ARHGAP20: variants seen among roughly 807,000 people sequenced by gnomAD.
ARHGAP20 encodes the protein Rho GTPase activating protein 20, also known as rho GTPase-activating protein 20.
In ARHGAP20, 34 loss-of-function variants were observed where a neutral mutation model predicts 73.7. The ratio of observed to expected loss-of-function variants is 0.46; its 90% CI spans 0.35 to 0.61. The LOEUF (loss-of-function observed/expected upper bound fraction) is 0.61. Among genes scored for constraint, ARHGAP20 ranks in the 20% least tolerant of loss-of-function variants. ARHGAP20 has a pLI of 0.00. For synonymous variants in ARHGAP20, 523 were observed against 518.2 expected (o/e 1.01, Z -0.13); for missense variants, 1,314 against 1,420.9 (o/e 0.92, Z 1.21).
At chr11:110,663,469 T>G (rs1048503113) in intron 2 of ARHGAP20, among the ~76,000 whole-genome samples, 2 of 151,668 alleles carry the variant, frequency 1.3e-5, no homozygotes, top group African/African-American at 4.8e-5. Flanking sequence ...TATGAAAAAC[T>G]ATATGGCTAT....
intron 4 of ARHGAP20, among the ~76,000 whole-genome samples, chr11:110,617,518 C>T (rs1272210875): frequency 6.6e-6 from 1 of 152,200 alleles, no homozygotes. Context: ...CCGCCTCCGC[C>T]TCCCAAAGTG....
intron 2 of ARHGAP20, among the ~76,000 whole-genome samples, chr11:110,637,689 G>C (rs778536710): frequency 1.3e-5 from 2 of 152,048 alleles, no homozygotes; most frequent in Non-Finnish European, 2.9e-5. Flanking sequence ...AGGCAAGTCA[G>C]ACAAGTAACA....
chr11:110,618,581 T>C (rs987032444), intron 4 of ARHGAP20, among the ~76,000 whole-genome samples: 3 of 151,926 alleles, frequency 2.0e-5, no homozygotes, highest in Non-Finnish European at 2.9e-5. Flanking sequence ...AGTGTATATG[T>C]AGTGATAGAG....
intron 1 of ARHGAP20, chr11:110,711,686 G>A (rs1314282102): frequency 4.1e-6 from 6 of 1,454,320 alleles, no homozygotes; most frequent in Non-Finnish European, 9.0e-7. Flanking sequence ...CCGCTCCCGG[G>A]CAGACATCGC....
intron 9 of ARHGAP20, among the ~76,000 whole-genome samples, chr11:110,594,824 G>C (rs1370297222): frequency 7.5e-6 from 1 of 133,292 alleles, no homozygotes; most frequent in African/African-American, 3.5e-5. Flanking sequence ...AAGCCTGGCA[G>C]AGACACAACA....
At chr11:110,661,306 GA>G (rs763046182) in intron 2 of ARHGAP20, among the ~76,000 whole-genome samples, 71 of 152,082 alleles carry the variant, frequency 4.7e-4, no homozygotes, top group African/African-American at 1.6e-3. Flanking sequence ...ACATAGAGGG[GA>G]AAAAACACAG....
intron 4 of ARHGAP20, among the ~76,000 whole-genome samples, chr11:110,623,610 T>A (rs1296926579): frequency 6.6e-6 from 1 of 152,242 alleles, no homozygotes; most frequent in Non-Finnish European, 1.5e-5. Context: ...TAGTTTTATT[T>A]GTATAATAAA....
chr11:110,701,180 G>C (rs1200848515), intron 1 of ARHGAP20, among the ~76,000 whole-genome samples: 9 of 151,406 alleles, frequency 5.9e-5, no homozygotes, highest in Admixed American at 5.9e-4. Flanking sequence ...CTTCCACAAT[G>C]GTTGAACTAG....
intron 4 of ARHGAP20, among the ~76,000 whole-genome samples, chr11:110,617,636 G>A (rs989641431): frequency 6.6e-6 from 1 of 152,188 alleles, no homozygotes; most frequent in Non-Finnish European, 1.5e-5. Context: ...ATTATGAAGT[G>A]TGTCAGGTTA....
intron 12 of ARHGAP20, among the ~76,000 whole-genome samples, 186 bp from the exon 13 acceptor site, chr11:110,583,923 GAATTT>G (rs1035711236): frequency 5.3e-5 from 8 of 151,914 alleles, no homozygotes; most frequent in African/African-American, 1.9e-4. Context: ...TAGGCATTGG[GAATTT>G]ATTTTTTGTT....
intron 5 of ARHGAP20, 30 bp from the exon 6 acceptor site, chr11:110,614,675 A>C: frequency 7.0e-7 from 1 of 1,437,512 alleles, no homozygotes; most frequent in Non-Finnish European, 9.6e-7. Context: ...ACCCAAAACA[A>C]CACTGAGTCA....
intron 9 of ARHGAP20, among the ~76,000 whole-genome samples, chr11:110,595,756 C>T (rs1947941727): frequency 6.6e-6 from 1 of 152,184 alleles, no homozygotes; most frequent in South Asian, 2.1e-4. Context: ...TCCCATCAAG[C>T]TACCAATGAC....
At position 110,585,649 on chromosome 11, in the gene ARHGAP20, C is replaced by T. The variant is rs73553947; in HGVS notation, c.1415+567G>A. ...GGAATGGGGTAGTGAGTTCTACCAG[C>T]AATTTCCCTTTGCATGAGTAGAGAC... On this transcript the variant is annotated intron_variant, in intron 12 of 14. Transcript: ENST00000683387. Among the ~76,000 whole-genome samples, 533 of 152,252 alleles carry T rather than the reference C, an allele frequency of 3.5e-3. 4 individuals carry two copies. Among genetic ancestry groups the T allele is most frequent in the African/African-American group, 0.012 (514 of 41,546 alleles).
chr11:110,622,426 AG>A (rs1359755997), intron 4 of ARHGAP20, among the ~76,000 whole-genome samples: 1 of 152,234 alleles, frequency 6.6e-6, no homozygotes, highest in Non-Finnish European at 1.5e-5. Context: ...ATGCTGTTTA[AG>A]TTCAGAGGAC....
chr11:110,711,572 C>T (rs981515317), intron 1 of ARHGAP20: 4 of 1,453,950 alleles, frequency 2.8e-6, no homozygotes, highest in African/African-American at 2.9e-5. Flanking sequence ...CCCATATCTG[C>T]CCCCCGAAAA....
chr11:110,712,298 C>CCGGAGGGGCGAGGACGCGCGGG lies in ARHGAP20; in HGVS notation c.-89_-68dup, dbSNP rs1188936353. The CCGGAGGGGCGAGGACGCGCGGG allele has an allele frequency of 8.1e-7, 1 of 1,227,258 alleles. No individual in the cohort carries two copies. Among genetic ancestry groups the CCGGAGGGGCGAGGACGCGCGGG allele is most frequent in the Non-Finnish European group, 1.0e-6 (1 of 965,650 alleles). 76.0% of individuals were successfully genotyped at this position (1,227,258 alleles called of 1,614,324 possible). A position where few individuals can be genotyped will look rare whatever the true frequency, so the allele number is the denominator to read the frequency against. On this transcript the variant is annotated 5_prime_UTR_variant, in exon 1 of 15. Coordinates refer to ENST00000683387, the MANE Select transcript of ARHGAP20 (RefSeq NM_001384657.1). ...CACGATCATGTCCGCGGGCTGCCGG[C>CCGGAGGGGCGAGGACGCGCGGG]CGGAGGGGCGAGGACGCGCGGGCGG... is the stretch of plus-strand genomic sequence containing the variant.
intron 2 of ARHGAP20, among the ~76,000 whole-genome samples, chr11:110,671,625 CT>C (rs1189884421): frequency 2.5e-4 from 38 of 151,874 alleles, no homozygotes; most frequent in Admixed American, 1.9e-3. Flanking sequence ...GCTAATAGAA[CT>C]TTTTTAGATT....
chr11:110,642,459 C>T (rs1193408123), intron 2 of ARHGAP20, among the ~76,000 whole-genome samples: 1 of 151,970 alleles, frequency 6.6e-6, no homozygotes, highest in Non-Finnish European at 1.5e-5. Context: ...GAGATATATT[C>T]CTTTGATACC....
At chr11:110,641,616 C>T (rs1949080144) in intron 2 of ARHGAP20, among the ~76,000 whole-genome samples, 1 of 151,914 alleles carries the variant, frequency 6.6e-6, no homozygotes, top group Non-Finnish European at 1.5e-5. Context: ...GTTTTCTTCC[C>T]CCCCAACCCT....
Sources: allele counts gnomAD v4.1 joint callset (sites outside exome capture counted in the v4.1 genomes callset), GRCh38; gene constraint gnomAD v4.1.1; transcripts MANE v1.5; gene names NCBI Gene and HGNC (gene_info 2026-07-23, HGNC 2026-07-21).